GRIA3: variants seen among roughly 807,000 people sequenced by gnomAD.
GRIA3 encodes glutamate receptor 3.
A neutral mutation model predicts 63.0 loss-of-function variants in GRIA3; 3 were observed. That is an observed-to-expected ratio of 0.05 (90% CI 0.02 to 0.12). The LOEUF (loss-of-function observed/expected upper bound fraction) is 0.12, where lower values mean the gene tolerates loss of function less well. GRIA3 is among the 10% of genes least tolerant of loss of function. The probability of loss-of-function intolerance (pLI) is 1.00; values close to 1 mark genes in which losing one functional copy is unlikely to be tolerated. For missense variants in GRIA3, 347 were observed against 700.9 expected (o/e 0.50, Z 5.70); for synonymous variants, 274 against 257.9 (o/e 1.06, Z -0.60).
intron 7 of GRIA3, among the ~76,000 whole-genome samples, chrX:123,401,002 T>TA (rs974543450): frequency 3.6e-5 from 4 of 111,420 alleles, no homozygotes; most frequent in South Asian, 7.6e-4. Flanking sequence ...AGAACAGAGG[T>TA]AAAAAAATGT....
intron 3 of GRIA3, among the ~76,000 whole-genome samples, chrX:123,321,220 T>G (rs1233689187): frequency 8.9e-6 from 1 of 112,154 alleles, no homozygotes; most frequent in Non-Finnish European, 1.9e-5. Context: ...AACTTGCCTC[T>G]CTATAGAACA....
chrX:123,394,615 A>G (rs188642343), intron 5 of GRIA3, among the ~76,000 whole-genome samples: 79 of 112,114 alleles, frequency 7.0e-4, no homozygotes, highest in South Asian at 1.9e-3. Flanking sequence ...CTTTTTCAAC[A>G]TTTTCCAATT....
intron 12 of GRIA3, among the ~76,000 whole-genome samples, chrX:123,433,974 A>G (rs2045631958): frequency 9.2e-6 from 1 of 109,136 alleles, no homozygotes; most frequent in African/African-American, 3.5e-5. Context: ...AGTCCCTGCT[A>G]ATAGCATTTC....
At chrX:123,451,923 G>A (rs1298160748) in intron 12 of GRIA3, among the ~76,000 whole-genome samples, 1 of 111,887 alleles carries the variant, frequency 8.9e-6, no homozygotes, top group Non-Finnish European at 1.9e-5. Context: ...TTAACCAGCT[G>A]TATCACCTTG....
At chrX:123,379,128 G>A (rs763162806) in intron 5 of GRIA3, among the ~76,000 whole-genome samples, 7 of 111,349 alleles carry the variant, frequency 6.3e-5, no homozygotes, top group African/African-American at 2.0e-4. Context: ...TACAAGTGGA[G>A]AAAGTAAACC....
chrX:123,381,104 T>C (rs2045321780), intron 5 of GRIA3, among the ~76,000 whole-genome samples: 1 of 111,941 alleles, frequency 8.9e-6, no homozygotes, highest in Non-Finnish European at 1.9e-5. Context: ...CTTCCATCCA[T>C]CTATCTATAT....
intron 5 of GRIA3, among the ~76,000 whole-genome samples, chrX:123,378,665 C>T (rs1280095675): frequency 9.0e-6 from 1 of 111,074 alleles, no homozygotes; most frequent in Admixed American, 9.6e-5. Flanking sequence ...CCCACCTCCG[C>T]CTCCCAAAGT....
chrX:123,236,585 A>G (rs751005026), intron 2 of GRIA3, among the ~76,000 whole-genome samples: 2 of 111,159 alleles, frequency 1.8e-5, no homozygotes, highest in African/African-American at 6.5e-5. Context: ...AATTATTATT[A>G]TTCCTATAAT....
intron 3 of GRIA3, among the ~76,000 whole-genome samples, chrX:123,287,483 TTG>T (rs1426671385): frequency 8.9e-6 from 1 of 111,982 alleles, no homozygotes; most frequent in Non-Finnish European, 1.9e-5. Flanking sequence ...TTGTCTCTGT[TTG>T]CAGATGACAT....
At chrX:123,437,003 A>G (rs913012932) in intron 12 of GRIA3, among the ~76,000 whole-genome samples, 2 of 109,951 alleles carry the variant, frequency 1.8e-5, no homozygotes, top group Admixed American at 9.9e-5. Flanking sequence ...CGAAAACTCA[A>G]CTAACAAGGA....
chrX:123,463,313 TGAG>T (rs748366662), intron 12 of GRIA3, among the ~76,000 whole-genome samples: 36 of 108,764 alleles, frequency 3.3e-4, no homozygotes, highest in African/African-American at 1.2e-3. Flanking sequence ...TTTGGGAGGC[TGAG>T]GAGGGAGATT....
intron 2 of GRIA3, among the ~76,000 whole-genome samples, chrX:123,217,229 T>C (rs1353086327): frequency 9.0e-6 from 1 of 111,087 alleles, no homozygotes; most frequent in Non-Finnish European, 1.9e-5. Context: ...GTCTGCAGGA[T>C]GAGTCAGGAG....
At chrX:123,228,620 C>T (rs1471079909) in intron 2 of GRIA3, among the ~76,000 whole-genome samples, 1 of 111,547 alleles carries the variant, frequency 9.0e-6, no homozygotes, top group Non-Finnish European at 1.9e-5. Flanking sequence ...CTCAGTGATG[C>T]CTTCTGGTAT....
At chrX:123,273,884 T>C (rs1426634565) in intron 3 of GRIA3, among the ~76,000 whole-genome samples, 1 of 112,163 alleles carries the variant, frequency 8.9e-6, no homozygotes. Flanking sequence ...TTAAATTAAA[T>C]GCTGATTAAT....
At position 123,268,373 on chromosome X, in the gene GRIA3, T is replaced by C. The variant is rs1321094578; in HGVS notation, c.508+14831T>C. ...CTGAAAATCCTAGAGAAAGAATTAC[T>C]GGTTTTCATTTGGCACAGTATGAAA... On this transcript the variant is annotated intron_variant, in intron 3 of 15. Coordinates refer to ENST00000620443, the MANE Select transcript of GRIA3 (RefSeq NM_007325.5). 6.3e-5 allele frequency among the ~76,000 whole-genome samples: 7 copies of C among 110,708 alleles called. 1 individual carries two copies. The highest frequency in any genetic ancestry group is 2.0e-4 in the African/African-American group (6 of 30,570).
At chrX:123,398,607 A>T in intron 6 of GRIA3, 29 bp from the exon 7 acceptor site, 19 of 1,160,105 alleles carry the variant, frequency 1.6e-5, no homozygotes, top group Non-Finnish European at 2.1e-5. Flanking sequence ...ATTTATCATG[A>T]TATCTTGTTT....
At chrX:123,284,635 GA>G (rs2044606650) in intron 3 of GRIA3, among the ~76,000 whole-genome samples, 1 of 110,220 alleles carries the variant, frequency 9.1e-6, no homozygotes, top group Admixed American at 9.7e-5. Context: ...CGATCAAGCA[GA>G]AAAAAAGGAT....
chrX:123,311,000 C>CA (rs34433989), intron 3 of GRIA3, among the ~76,000 whole-genome samples: 142 of 86,258 alleles, frequency 1.6e-3, no homozygotes, highest in Non-Finnish European at 2.3e-3. Context: ...GAGAATCTGT[C>CA]AAAAAAAAAA....
rs1290815778 is a variant in GRIA3 at position 123,253,549 on chromosome X, AGAGGCACC to A, written c.508+8_508+15del. On this transcript the variant is annotated splice_region_variant and intron_variant, in intron 3 of 15. Transcript: ENST00000620443. ...CTCTATGACACAGAACGAGGTAAGAAGAGGCACCTGCTCTGCTCTTTAGATATTCATGT... is the reference window on the plus strand; with the variant it reads ...CTCTATGACACAGAACGAGGTAAGAATGCTCTGCTCTTTAGATATTCATGT... 52 of 1,199,313 alleles carry A rather than the reference AGAGGCACC, an allele frequency of 4.3e-5. No individual in the cohort carries two copies. The highest frequency in any genetic ancestry group is 5.6e-5 in the Non-Finnish European group (50 of 886,312).
Sources: gnomAD v4.1 joint callset for allele counts (sites outside exome capture counted in the v4.1 genomes callset) on GRCh38, gnomAD v4.1.1 for gene constraint, MANE v1.5 for transcripts, NCBI Gene and HGNC (gene_info 2026-07-23, HGNC 2026-07-21) for gene names.